The following LRMDA variants were observed in gnomAD, a reference collection of about 807,000 sequenced individuals.
LRMDA encodes the protein leucine rich melanocyte differentiation associated.
Under a neutral mutation model 29.8 loss-of-function variants are expected in LRMDA, and 18 were observed. That is an observed-to-expected ratio of 0.60 (90% CI 0.42 to 0.90). The LOEUF (loss-of-function observed/expected upper bound fraction) is 0.90. Among genes scored for constraint, LRMDA ranks in the 40% least tolerant of loss-of-function variants. The pLI is 0.00. For synonymous variants in LRMDA, 125 were observed against 109.4 expected (o/e 1.14, Z -0.89); for missense variants, 273 against 273.9 (o/e 1.00, Z 0.02).
intron 5 of LRMDA, among the ~76,000 whole-genome samples, chr10:76,209,688 G>A (rs1851601694): frequency 6.6e-6 from 1 of 152,152 alleles, no homozygotes; most frequent in South Asian, 2.1e-4. Context: ...TTCCAAAGAA[G>A]GGTGTCTCTC....
intron 2 of LRMDA, among the ~76,000 whole-genome samples, chr10:75,523,655 A>T (rs11001409): frequency 0.23 from 35,465 of 152,066 alleles, 4,319 homozygotes; most frequent in Non-Finnish European, 0.26. Flanking sequence ...GAGCTATAAT[A>T]ATTATGCTGG....
At chr10:75,449,612 C>A (rs967966390) in intron 2 of LRMDA, among the ~76,000 whole-genome samples, 1 of 151,820 alleles carries the variant, frequency 6.6e-6, no homozygotes, top group African/African-American at 2.4e-5. Flanking sequence ...AGTTCAAGAC[C>A]CTAGAGGCCC....
chr10:76,062,174 C>T (rs1002732490), intron 5 of LRMDA, among the ~76,000 whole-genome samples: 2 of 152,180 alleles, frequency 1.3e-5, no homozygotes, highest in Admixed American at 6.5e-5. Flanking sequence ...ACGATGGAAT[C>T]GGAATCTCAA....
chr10:75,938,557 T>A (rs1295236594), intron 2 of LRMDA, among the ~76,000 whole-genome samples: 1 of 152,172 alleles, frequency 6.6e-6, no homozygotes, highest in Non-Finnish European at 1.5e-5. Context: ...AGCCAAAGCA[T>A]CACTCCCTGC....
At chr10:76,033,481 G>T (rs538944811) in intron 2 of LRMDA, among the ~76,000 whole-genome samples, 41 of 152,270 alleles carry the variant, frequency 2.7e-4, no homozygotes, top group African/African-American at 9.4e-4. Flanking sequence ...CTGGATGGAG[G>T]TGGGCGCTTC....
intron 5 of LRMDA, among the ~76,000 whole-genome samples, chr10:76,238,780 T>A (rs1472105741): frequency 7.1e-6 from 1 of 139,906 alleles, no homozygotes. Context: ...ATTTTAAGGA[T>A]TTTCCAAAAG....
rs10437388 is a variant in LRMDA at position 75,637,591 on chromosome 10, C to G, written c.131+199097C>G. ...TGTGTAGTTTTCTCGGAAAGCTGCA[C>G]CAAGATCCTGAGCTATGGAGATGCT... is the stretch of plus-strand genomic sequence containing the variant. On this transcript the variant is annotated intron_variant, in intron 2 of 6. Transcript: ENST00000611255. Among the ~76,000 whole-genome samples the G allele has an allele frequency of 4.8e-3, 725 of 152,230 alleles. 8 individuals carry two copies. Among genetic ancestry groups the G allele is most frequent in the African/African-American group, 0.016 (649 of 41,536 alleles).
rs556597943 is a variant in LRMDA, at chr10:76,363,972, A to G, written c.601+39487A>G. On this transcript the variant is annotated intron_variant, in intron 6 of 6. Transcript: ENST00000611255. ...AAGATCACTTCACCTTTTAAGGCCC[A>G]GTTTGCTTTGTCTTAAAAAAGGGAT... Among the ~76,000 whole-genome samples the G allele has an allele frequency of 2.0e-5, 3 of 152,226 alleles. No individual in the cohort carries two copies. The East Asian group carries it at 5.8e-4, about 29-fold the overall frequency.
chr10:75,911,447 G>A (rs747887647), intron 2 of LRMDA, among the ~76,000 whole-genome samples: 11 of 152,178 alleles, frequency 7.2e-5, no homozygotes, highest in Non-Finnish European at 1.2e-4. Flanking sequence ...AGAAATTCAG[G>A]TTAATTACCC....
intron 6 of LRMDA, among the ~76,000 whole-genome samples, chr10:76,518,911 T>C (rs1843091290): frequency 6.6e-6 from 1 of 152,178 alleles, no homozygotes; most frequent in South Asian, 2.1e-4. Flanking sequence ...CATCTTAAGC[T>C]ATAAAAGCAA....
intron 2 of LRMDA, among the ~76,000 whole-genome samples, chr10:75,582,753 AT>A (rs1194689647): frequency 1.3e-5 from 2 of 152,034 alleles, no homozygotes; most frequent in African/African-American, 4.8e-5. Context: ...CGGGCTGCAA[AT>A]TTTCTGAACT....
chr10:75,871,416 G>A (rs1478871260), intron 2 of LRMDA, among the ~76,000 whole-genome samples: 1 of 152,202 alleles, frequency 6.6e-6, no homozygotes, highest in African/African-American at 2.4e-5. Context: ...ACTGATGGGG[G>A]ACTAAAGCTG....
At chr10:75,750,398 CG>C (rs1842944425) in intron 2 of LRMDA, among the ~76,000 whole-genome samples, 1 of 147,572 alleles carries the variant, frequency 6.8e-6, no homozygotes, top group East Asian at 2.1e-4. Context: ...ACCTCCCAGA[CG>C]GGGTGGCGGT....
chr10:76,081,879 A>G (rs1319220137), intron 5 of LRMDA, among the ~76,000 whole-genome samples: 1 of 152,144 alleles, frequency 6.6e-6, no homozygotes, highest in African/African-American at 2.4e-5. Context: ...ACTATCCCTT[A>G]CTTTGTTGTA....
At chr10:75,819,922 T>C (rs1445458228) in intron 2 of LRMDA, among the ~76,000 whole-genome samples, 8 of 152,204 alleles carry the variant, frequency 5.3e-5, no homozygotes, top group African/African-American at 1.9e-4. Flanking sequence ...GAAAAAAGGA[T>C]GTAAAATATC....
Position 75,852,295 on chromosome 10 carries a change from T to A in LRMDA, c.132-183713T>A, listed in dbSNP as rs1844744929. ...ACTTCTGAGGTTCATTGTAAAGAGT[T>A]GTTGTAATCTGCATATATTAGGTAT... On this transcript the variant is annotated intron_variant, in intron 2 of 6. Coordinates refer to ENST00000611255, the MANE Select transcript of LRMDA (RefSeq NM_001305581.2). Among the ~76,000 whole-genome samples the A allele has an allele frequency of 2.0e-5, 3 of 152,322 alleles. No homozygotes were observed. In the South Asian group the frequency reaches 6.2e-4, roughly 32 times the overall value.
intron 5 of LRMDA, among the ~76,000 whole-genome samples, chr10:76,268,657 C>T (rs1345103239): frequency 6.6e-6 from 1 of 152,188 alleles, no homozygotes; most frequent in African/African-American, 2.4e-5. Flanking sequence ...AGAAAAAATG[C>T]CATGCCCTTC....
intron 6 of LRMDA, among the ~76,000 whole-genome samples, chr10:76,481,005 T>C (rs1842728176): frequency 6.6e-6 from 1 of 151,916 alleles, no homozygotes; most frequent in Non-Finnish European, 1.5e-5. Context: ...TTCTAATTTA[T>C]ATTTTTGGAT....
At chr10:76,368,670 T>G (rs1040492224) in intron 6 of LRMDA, among the ~76,000 whole-genome samples, 3 of 152,212 alleles carry the variant, frequency 2.0e-5, no homozygotes, top group Non-Finnish European at 4.4e-5. Flanking sequence ...CTTTCTGTCT[T>G]GATGACCTGT....
Sources: allele counts gnomAD v4.1 joint callset (sites outside exome capture counted in the v4.1 genomes callset), GRCh38; gene constraint gnomAD v4.1.1; transcripts MANE v1.5; gene names NCBI Gene and HGNC (gene_info 2026-07-23, HGNC 2026-07-21).